Variants in RBFOX1 observed in about 807,000 individuals in gnomAD.
RBFOX1 encodes RNA binding protein fox-1 homolog 1.
RBFOX1 carries 8 observed loss-of-function variants against 57.7 expected under a neutral mutation model. The ratio of observed to expected loss-of-function variants is 0.14; its 90% CI spans 0.08 to 0.25. The LOEUF is 0.25. Ranked by LOEUF, RBFOX1 falls within the 10% of genes least tolerant of loss-of-function variation. The pLI is 1.00. For synonymous variants in RBFOX1, 326 were observed against 222.4 expected (o/e 1.47, Z -4.15); for missense variants, 611 against 548.5 (o/e 1.11, Z -1.14).
chr16:6,057,716 G>C (rs2095631608), intron 1 of RBFOX1, among the ~76,000 whole-genome samples: 2 of 151,976 alleles, frequency 1.3e-5, no homozygotes, highest in Admixed American at 6.6e-5. Flanking sequence ...TGTCCTTGGA[G>C]TGCAAGGATT....
Position 7,712,520 on chromosome 16 carries a change from A to G in RBFOX1, c.*1775A>G, listed in dbSNP as rs2084151059. The G allele has an allele frequency of 6.6e-6, 1 of 152,642 alleles. No individual in the cohort carries two copies. Among genetic ancestry groups the G allele is most frequent in the Non-Finnish European group, 1.5e-5 (1 of 68,050 alleles). The allele number at this position is 152,642 out of a possible 1,614,324, so 9.5% of individuals were successfully genotyped here. ...TGAAAACAAAGTTTCTGTAGCTTCG[A>G]TACCTAAGACAGACGATAGTGATCT... is the stretch of plus-strand genomic sequence containing the variant. On this transcript the variant is annotated 3_prime_UTR_variant, in exon 16 of 16. Coordinates refer to ENST00000550418, the MANE Select transcript of RBFOX1 (RefSeq NM_018723.4).
chr16:6,905,276 G>A (rs1288676526), intron 3 of RBFOX1, among the ~76,000 whole-genome samples: 1 of 151,870 alleles, frequency 6.6e-6, no homozygotes, highest in Non-Finnish European at 1.5e-5. Context: ...AAGAATGGCT[G>A]GCCTCAGTAG....
intron 2 of RBFOX1, among the ~76,000 whole-genome samples, chr16:6,642,006 G>C (rs962195551): frequency 1.3e-5 from 2 of 152,124 alleles, no homozygotes; most frequent in Non-Finnish European, 2.9e-5. Flanking sequence ...GATTATCCAG[G>C]AGGCTGACCA....
chr16:5,616,900 CTT>C (rs948442803), intron 3 of RBFOX1, among the ~76,000 whole-genome samples: 3 of 144,042 alleles, frequency 2.1e-5, no homozygotes, highest in Non-Finnish European at 4.5e-5. Context: ...TCCCCTGCCT[CTT>C]TTTCCACCCC....
intron 1 of RBFOX1, among the ~76,000 whole-genome samples, chr16:5,376,309 A>G (rs2065981782): frequency 6.6e-6 from 1 of 152,126 alleles, no homozygotes; most frequent in Non-Finnish European, 1.5e-5. Flanking sequence ...TCCTACCCTC[A>G]GTTGTGACTG....
chr16:7,708,197 G>A (rs1256852107), intron 14 of RBFOX1, among the ~76,000 whole-genome samples: 44 of 151,864 alleles, frequency 2.9e-4, no homozygotes, highest in Admixed American at 2.9e-3. Flanking sequence ...ATCAAGATCT[G>A]CCCTGTCTAG....
chr16:7,559,198 A>G (rs1207111266), intron 5 of RBFOX1, among the ~76,000 whole-genome samples: 2 of 152,208 alleles, frequency 1.3e-5, no homozygotes, highest in Non-Finnish European at 2.9e-5. Flanking sequence ...AATTCAATAT[A>G]AAAGATCGAA....
chr16:7,203,569 T>C (rs780799210), intron 4 of RBFOX1, among the ~76,000 whole-genome samples: 7 of 152,208 alleles, frequency 4.6e-5, no homozygotes, highest in Non-Finnish European at 8.8e-5. Flanking sequence ...CTGTGAGGAA[T>C]TGGAAAATTA....
intron 4 of RBFOX1, among the ~76,000 whole-genome samples, chr16:7,262,479 T>C (rs2094956249): frequency 6.6e-6 from 1 of 152,274 alleles, no homozygotes; most frequent in Non-Finnish European, 1.5e-5. Flanking sequence ...GATCTATGTA[T>C]TAAAATTTAG....
At chr16:5,520,227 C>T (rs969880940) in intron 2 of RBFOX1, among the ~76,000 whole-genome samples, 2 of 152,078 alleles carry the variant, frequency 1.3e-5, no homozygotes, top group Non-Finnish European at 2.9e-5. Flanking sequence ...GGGGCTGTTT[C>T]ACTTAGGATC....
At chr16:7,147,401 A>G (rs770058647) in intron 4 of RBFOX1, among the ~76,000 whole-genome samples, 1 of 150,550 alleles carries the variant, frequency 6.6e-6, no homozygotes, top group Non-Finnish European at 1.5e-5. Flanking sequence ...AGTTTGGTAG[A>G]CAAATGATCC....
At chr16:7,013,625 C>T (rs954212997) in intron 3 of RBFOX1, among the ~76,000 whole-genome samples, 3 of 152,192 alleles carry the variant, frequency 2.0e-5, no homozygotes, top group African/African-American at 7.2e-5. Flanking sequence ...TACCTGGAAT[C>T]AGGGAGGAGG....
chr16:5,861,542 A>C (rs2151887202), intron 3 of RBFOX1, among the ~76,000 whole-genome samples: 1 of 152,354 alleles, frequency 6.6e-6, no homozygotes. Flanking sequence ...CTACATGAGA[A>C]AGGAATGAAT....
At chr16:7,708,434 C>G (rs764891981) in intron 14 of RBFOX1, among the ~76,000 whole-genome samples, 11 of 152,136 alleles carry the variant, frequency 7.2e-5, no homozygotes, top group Non-Finnish European at 1.3e-4. Context: ...CTTCCCAGAA[C>G]CTGGCCATGG....
At chr16:7,259,710 CACTT>C (rs1487873794) in intron 4 of RBFOX1, among the ~76,000 whole-genome samples, 17 of 152,192 alleles carry the variant, frequency 1.1e-4, no homozygotes, top group Non-Finnish European at 1.9e-4. Flanking sequence ...ATACATCACT[CACTT>C]AGTCATGAAC....
intron 4 of RBFOX1, among the ~76,000 whole-genome samples, chr16:7,440,930 T>G (rs2098761134): frequency 1.3e-5 from 2 of 152,084 alleles, no homozygotes; most frequent in Non-Finnish European, 2.9e-5. Context: ...TCCTAGCTGC[T>G]TTGGAGGCAG....
chr16:6,577,539 G>A (rs1035003706), intron 2 of RBFOX1, among the ~76,000 whole-genome samples: 1 of 152,152 alleles, frequency 6.6e-6, no homozygotes, highest in African/African-American at 2.4e-5. Context: ...CACAACAAAG[G>A]TTTATTTCTT....
chr16:5,433,859 A>G (rs1014234288), intron 1 of RBFOX1, among the ~76,000 whole-genome samples: 3 of 152,104 alleles, frequency 2.0e-5, no homozygotes, highest in Non-Finnish European at 2.9e-5. Context: ...TATTACATGG[A>G]TGGATGGAAA....
intron 4 of RBFOX1, among the ~76,000 whole-genome samples, chr16:7,217,136 G>C (rs1042920554): frequency 1.4e-5 from 2 of 147,664 alleles, no homozygotes; most frequent in African/African-American, 5.0e-5. Flanking sequence ...TGACAGTCTT[G>C]CTCTGTCGCT....
Sources: allele counts gnomAD v4.1 joint callset (sites outside exome capture counted in the v4.1 genomes callset), GRCh38; gene constraint gnomAD v4.1.1; transcripts MANE v1.5; gene names NCBI Gene and HGNC (gene_info 2026-07-23, HGNC 2026-07-21).